WDR5: variants seen among roughly 807,000 people sequenced by gnomAD.
WDR5 encodes WD repeat domain 5.
For missense variants in WDR5, 187 were observed against 416.9 expected (o/e 0.45, Z 4.80); for synonymous variants, 144 against 161.6 (o/e 0.89, Z 0.83).
rs934427196 is a variant in WDR5, at chr9:134,157,837, C to T, written c.905-56C>T. On this transcript the variant is annotated intron_variant, in intron 13 of 13. Transcript: ENST00000358625. This position sits in a 1 kb window ranked among gnomAD's most constrained non-coding sequence, Gnocchi z 5.0. ...AAAGGTGGAGCTCAGTCTGGGATGG[C>T]GTCCCCGACCCAGGCGCAGGGATGG... The T allele has an allele frequency of 6.5e-5, 100 of 1,550,102 alleles. No homozygotes were observed. The highest frequency in any genetic ancestry group is 8.1e-5 in the Non-Finnish European group (91 of 1,124,156).
chr9:134,135,298 C>G (rs1831486889), upstream of WDR5: 1 of 152,218 alleles, frequency 6.6e-6, no homozygotes, highest in African/African-American at 2.4e-5. Context: ...GGACCACCCC[C>G]TTGTACCTGG....
At chr9:134,153,728 C>T (rs1225369418) in intron 9 of WDR5, among the ~76,000 whole-genome samples, 2 of 150,420 alleles carry the variant, frequency 1.3e-5, no homozygotes, top group African/African-American at 2.5e-5. Context: ...CACACCAGCG[C>T]GTGCACGTGC....
At chr9:134,145,007 C>T (rs28588875) in intron 7 of WDR5, among the ~76,000 whole-genome samples, 54,840 of 151,548 alleles carry the variant, frequency 0.36, 11,065 homozygotes, top group Non-Finnish European at 0.46. Context: ...ATAACTGGTA[C>T]CACATCACAG....
chr9:134,139,765 A>G lies in WDR5; in HGVS notation c.-58-55A>G, dbSNP rs1212311914. On this transcript the variant is annotated intron_variant, in intron 1 of 13. Transcript: ENST00000358625. ...TTTTCATCCTTTTTCTTGGAAATCA[A>G]TTTTTTAAAATATAGTTTGTTTCTT... 2.6e-4 allele frequency: 308 copies of G among 1,171,774 alleles called. 3 individuals are homozygous for G. Among genetic ancestry groups the G allele is most frequent in the Non-Finnish European group, 4.5e-5 (37 of 820,538 alleles). The allele number at this position is 1,171,774 out of a possible 1,614,324, so 72.6% of individuals were successfully genotyped here. A position where few individuals can be genotyped will look rare whatever the true frequency, so the allele number is the denominator to read the frequency against.
chr9:134,152,089 C>G, intron 9 of WDR5, 60 bp downstream of exon 9: 1 of 1,580,360 alleles, frequency 6.3e-7, no homozygotes, highest in South Asian at 1.1e-5. Context: ...GCTGGGTTCA[C>G]TGCCCCTGTT....
At chr9:134,154,079 A>G (rs1368873827) in intron 9 of WDR5, among the ~76,000 whole-genome samples, 1 of 152,106 alleles carries the variant, frequency 6.6e-6, no homozygotes, top group African/African-American at 2.4e-5. Context: ...TTAAAGGAGA[A>G]TTTCCGAGGT....
In WDR5 at chr9:134,159,287, C is replaced by G. The variant is rs1340121776; in HGVS notation, c.*1294C>G. 1 of 152,680 alleles carries G rather than the reference C, an allele frequency of 6.5e-6. No individual in the cohort carries two copies. Among genetic ancestry groups the G allele is most frequent in the Non-Finnish European group, 1.5e-5 (1 of 68,454 alleles). 9.5% of individuals were successfully genotyped at this position (152,680 alleles called of 1,614,324 possible). On this transcript the variant is annotated 3_prime_UTR_variant, in exon 14 of 14. Coordinates refer to ENST00000358625, the MANE Select transcript of WDR5 (RefSeq NM_017588.3). This position sits in a 1 kb window ranked among gnomAD's most constrained non-coding sequence, Gnocchi z 4.3. ...GCAGGGTGGCTGAGGGCACAGGTGC[C>G]TGGGTCTGTCCCACGGGGCAGGGCT...
At position 134,157,688 on chromosome 9, in the gene WDR5, C is replaced by T. The variant is rs367910253; in HGVS notation, c.905-205C>T. 3.8e-4 allele frequency among the ~76,000 whole-genome samples: 58 copies of T among 152,220 alleles called. 2 individuals carry two copies. In the South Asian group the frequency reaches 0.01, roughly 27 times the overall value. On this transcript the variant is annotated intron_variant, in intron 13 of 13. Coordinates refer to ENST00000358625, the MANE Select transcript of WDR5 (RefSeq NM_017588.3). The surrounding 1 kb of genome is among the most constrained non-coding windows in gnomAD (Gnocchi z 5.0). Reference sequence around the variant, plus strand: ...GCCCCTGTCCCCCAACCGGCTGTGTCGCCCTGGTACCGGCTGCTGTCCCCT... The same window carrying T: ...GCCCCTGTCCCCCAACCGGCTGTGTTGCCCTGGTACCGGCTGCTGTCCCCT...
chr9:134,145,043 C>G (rs999782520), intron 7 of WDR5, among the ~76,000 whole-genome samples: 1 of 151,370 alleles, frequency 6.6e-6, no homozygotes, highest in African/African-American at 2.4e-5. Context: ...TGTCTCCACT[C>G]CACAGCTGCT....
intron 9 of WDR5, among the ~76,000 whole-genome samples, chr9:134,154,130 TGTTGA>T (rs1485818942): frequency 6.6e-6 from 1 of 152,182 alleles, no homozygotes; most frequent in East Asian, 1.9e-4. Context: ...GTTGTCCCTC[TGTTGA>T]GTTGGGCATT....
intron 8 of WDR5, among the ~76,000 whole-genome samples, chr9:134,150,063 C>T (rs753772121): frequency 5.3e-5 from 8 of 152,174 alleles, no homozygotes; most frequent in South Asian, 2.1e-4. Flanking sequence ...AGACCACAGG[C>T]GGGAGGGAGC....
Position 134,149,356 on chromosome 9 carries a change from C to T in WDR5, c.584+1013C>T, listed in dbSNP as rs1832378370. ...CTGTGATGGCGTTTGGGGCTGAGGT[C>T]ACTGGGATGTGCTGTGGCAAAAATG... On this transcript the variant is annotated intron_variant, in intron 8 of 13. Coordinates refer to ENST00000358625, the MANE Select transcript of WDR5 (RefSeq NM_017588.3). Among the ~76,000 whole-genome samples the T allele has an allele frequency of 2.0e-5, 3 of 152,380 alleles. No individual in the cohort carries two copies. The South Asian group carries it at 6.2e-4, about 32-fold the overall frequency.
At chr9:134,140,842 G>A (rs1016262322) in intron 3 of WDR5, 31 bp downstream of exon 3, 1 of 1,598,330 alleles carries the variant, frequency 6.3e-7, no homozygotes, top group Non-Finnish European at 8.6e-7. Context: ...TAGCTGCTGG[G>A]AGAGGCGGTC....
At chr9:134,156,678 T>C in intron 13 of WDR5, 85 bp downstream of exon 13, 1 of 1,384,450 alleles carries the variant, frequency 7.2e-7, no homozygotes, top group African/African-American at 1.4e-5. Flanking sequence ...GCCCGTAGGG[T>C]GCCGTCGTCT....
intron 7 of WDR5, among the ~76,000 whole-genome samples, chr9:134,145,092 C>CTTTTTTTTTTTT (rs1564191284): frequency 3.5e-5 from 2 of 56,888 alleles, no homozygotes; most frequent in Non-Finnish European, 8.0e-5. Flanking sequence ...GTTTGTGGGG[C>CTTTTTTTTTTTT]TTTGTTTTTT....
chr9:134,151,387 G>A (rs1564194901), intron 8 of WDR5, among the ~76,000 whole-genome samples: 1 of 152,164 alleles, frequency 6.6e-6, no homozygotes, highest in Non-Finnish European at 1.5e-5. Context: ...CGTGTGACCC[G>A]AGCCTGTTCC....
intron 7 of WDR5, among the ~76,000 whole-genome samples, chr9:134,143,652 C>T (rs973258058): frequency 5.3e-5 from 8 of 151,986 alleles, no homozygotes; most frequent in South Asian, 4.2e-4. Context: ...TCAGCCTCTC[C>T]GAGTAGTTGA....
At chr9:134,154,420 T>C (rs34169579) in intron 9 of WDR5, 46 bp from the exon 10 acceptor site, 54,996 of 1,602,932 alleles carry the variant, frequency 0.034, 2,269 homozygotes, top group African/African-American at 0.21. Flanking sequence ...TGTCCCTGCC[T>C]GGCTGTCAGC....
In WDR5 at chr9:134,155,417, G is replaced by A. The variant is rs369198291; in HGVS notation, c.741+44G>A. On this transcript the variant is annotated intron_variant, in intron 11 of 13. Transcript: ENST00000358625. The stretch of plus-strand genomic sequence containing the variant: ...GGGCCCCCATGGTGCACCATCCCTG[G>A]GTCATGGCCTCTGGTGGGGACAGAG... The A allele has an allele frequency of 9.2e-5, 145 of 1,568,404 alleles. No individual in the cohort carries two copies. The Middle Eastern group carries it at 1.5e-3, about 17-fold the overall frequency.
Sources: gnomAD v4.1 joint callset for allele counts (sites outside exome capture counted in the v4.1 genomes callset) on GRCh38, gnomAD v4.1.1 for gene constraint, Gnocchi (gnomAD v3.1) non-coding constraint, MANE v1.5 for transcripts, NCBI Gene and HGNC (gene_info 2026-07-23, HGNC 2026-07-21) for gene names.